The following USP34 variants were observed in gnomAD, a reference collection of about 807,000 sequenced individuals.
USP34 encodes the protein ubiquitin specific peptidase 34, also known as ubiquitin carboxyl-terminal hydrolase 34.
A neutral mutation model predicts 460.3 loss-of-function variants in USP34; 70 were observed. The ratio of observed to expected loss-of-function variants is 0.15; its 90% CI spans 0.13 to 0.19. The LOEUF is 0.19. USP34 is among the 10% of genes least tolerant of loss of function. The pLI, the probability that USP34 is intolerant of heterozygous loss-of-function variation, is 1.00. For missense variants in USP34, 3,985 were observed against 4,236.2 expected, an observed-to-expected ratio of 0.94 and a Z score of 1.65; for synonymous variants, 1,647 against 1,405.3, an observed-to-expected ratio of 1.17 and a Z score of -3.85.
intron 1 of USP34, among the ~76,000 whole-genome samples, chr2:61,451,885 T>A (rs1362881585): frequency 2.0e-5 from 3 of 151,788 alleles, no homozygotes; most frequent in Admixed American, 6.6e-5. Flanking sequence ...AGAAAAAGAC[T>A]TAATTGAAAG....
chr2:61,381,016 G>A (rs900327182), intron 6 of USP34, among the ~76,000 whole-genome samples: 12 of 151,978 alleles, frequency 7.9e-5, no homozygotes, highest in Admixed American at 5.2e-4. Context: ...TAGCATGCTC[G>A]TTAAGAGTCA....
Position 61,395,766 on chromosome 2 carries a change from ACAGAACGAGACTCCGTCT to A in USP34, c.553-551_553-534del, listed in dbSNP as rs1693501936. On this transcript the variant is annotated intron_variant, in intron 3 of 79. Coordinates refer to ENST00000398571, the MANE Select transcript of USP34 (RefSeq NM_014709.4). ...GCGCCACAGCACTCCCGCCTGGGCG[ACAGAACGAGACTCCGTCT>A]CAAAAAAAAAAAAAAAAAAAAAAAA... 1.5e-5 allele frequency among the ~76,000 whole-genome samples: 2 copies of A among 137,072 alleles called. 1 individual carries two copies. Among genetic ancestry groups the A allele is most frequent in the Non-Finnish European group, 3.1e-5 (2 of 65,444 alleles). 89.9% of individuals were successfully genotyped at this position (137,072 alleles called of 152,430 possible).
At chr2:61,302,811 T>C (rs1223851952) in intron 27 of USP34, among the ~76,000 whole-genome samples, 1 of 152,186 alleles carries the variant, frequency 6.6e-6, no homozygotes, top group Non-Finnish European at 1.5e-5. Context: ...TTGTTTTTTC[T>C]TTTTTCATAA....
rs1687829487 is a variant in USP34, at chr2:61,229,482, A to AAC, written c.7199+65_7199+66insGT. 2.8e-5 allele frequency: 22 copies of AAC among 799,568 alleles called. 1 individual carries two copies. Among genetic ancestry groups the AAC allele is most frequent in the Admixed American group, 1.7e-4 (4 of 23,022 alleles). 49.5% of individuals were successfully genotyped at this position (799,568 alleles called of 1,614,324 possible). A position where few individuals can be genotyped will look rare whatever the true frequency, so the allele number is the denominator to read the frequency against. On this transcript the variant is annotated intron_variant, in intron 59 of 79. Transcript: ENST00000398571. ...TAAAAAAAAAAAAAAAAAACAAAAA[A>AAC]AAAAAACAAAAACACCACACACACA... is the stretch of plus-strand genomic sequence containing the variant.
chr2:61,290,088 A>G (rs181331719), intron 33 of USP34, among the ~76,000 whole-genome samples: 5 of 152,264 alleles, frequency 3.3e-5, no homozygotes, highest in Admixed American at 3.3e-4. Flanking sequence ...CAATCAACAA[A>G]CACACAACAT....
intron 10 of USP34, among the ~76,000 whole-genome samples, chr2:61,368,385 T>C (rs1692503604): frequency 6.6e-6 from 1 of 151,116 alleles, no homozygotes; most frequent in African/African-American, 2.4e-5. Flanking sequence ...TGAGCCAAGA[T>C]CACGCCACTG....
intron 8 of USP34, 73 bp from the exon 9 acceptor site, chr2:61,370,652 A>G: frequency 2.2e-6 from 3 of 1,364,670 alleles, no homozygotes; most frequent in South Asian, 1.3e-5. Flanking sequence ...GGTAGAGTCA[A>G]TTGAAAACCT....
At chr2:61,286,886 A>T (rs1689704827) in intron 34 of USP34, among the ~76,000 whole-genome samples, 1 of 152,206 alleles carries the variant, frequency 6.6e-6, no homozygotes, top group Non-Finnish European at 1.5e-5. Context: ...TATTATTAAA[A>T]TCTCAAAAGG....
intron 53 of USP34, among the ~76,000 whole-genome samples, chr2:61,239,998 G>A (rs773449542): frequency 5.7e-5 from 7 of 122,550 alleles, no homozygotes; most frequent in East Asian, 4.5e-4. Flanking sequence ...GCGACAGAGC[G>A]AGACTCCTTC....
At chr2:61,373,938 T>TC (rs1692711632) in intron 8 of USP34, among the ~76,000 whole-genome samples, 1 of 151,876 alleles carries the variant, frequency 6.6e-6, no homozygotes, top group Non-Finnish European at 1.5e-5. Context: ...GTGGACTGCT[T>TC]GAGGTCAGGA....
At chr2:61,317,495 A>G (rs776927969) in intron 23 of USP34, among the ~76,000 whole-genome samples, 159 bp downstream of exon 23, 1 of 152,204 alleles carries the variant, frequency 6.6e-6, no homozygotes, top group Non-Finnish European at 1.5e-5. Flanking sequence ...CCACTGCACT[A>G]CAGCCTGAGC....
intron 5 of USP34, among the ~76,000 whole-genome samples, chr2:61,389,063 G>T (rs1470101128): frequency 6.6e-6 from 1 of 152,138 alleles, no homozygotes; most frequent in Non-Finnish European, 1.5e-5. Flanking sequence ...TCTGCATGGT[G>T]AAAACAGACA....
chr2:61,413,481 T>C (rs892271467), intron 2 of USP34, among the ~76,000 whole-genome samples: 1 of 141,770 alleles, frequency 7.1e-6, no homozygotes, highest in Non-Finnish European at 1.5e-5. Flanking sequence ...CCAAGGCGGG[T>C]GGACTGCCTG....
At position 61,380,839 on chromosome 2, in the gene USP34, G is replaced by GA. The variant is rs1194446068; in HGVS notation, c.822-479dup. Among the ~76,000 whole-genome samples the GA allele has an allele frequency of 2.0e-5, 3 of 152,186 alleles. No individual in the cohort carries two copies. The East Asian group carries it at 5.8e-4, about 29-fold the overall frequency. Reference sequence around the variant, plus strand: ...CAAGGTTAGCCTGCTGGATGAAAGAGAAGTGCCTGATGCTCCAACTGACAT... The same window carrying GA: ...CAAGGTTAGCCTGCTGGATGAAAGAGAAAGTGCCTGATGCTCCAACTGACAT... On this transcript the variant is annotated intron_variant, in intron 6 of 79. Transcript: ENST00000398571.
At chr2:61,369,692 CTA>C (rs942793614) in intron 10 of USP34, among the ~76,000 whole-genome samples, 7 of 124,352 alleles carry the variant, frequency 5.6e-5, no homozygotes, top group Admixed American at 5.5e-4. Flanking sequence ...TAATTAAACA[CTA>C]TACAGTTTTA....
chr2:61,301,993 AAAAAGGAAAGGG>A (rs1407851671), intron 27 of USP34, among the ~76,000 whole-genome samples: 1 of 152,220 alleles, frequency 6.6e-6, no homozygotes, highest in Non-Finnish European at 1.5e-5. Flanking sequence ...AAAGAAAGAA[AAAAAGGAAAGGG>A]AAAAGGAAAG....
intron 2 of USP34, among the ~76,000 whole-genome samples, chr2:61,410,307 G>A (rs1014459627): frequency 7.2e-5 from 11 of 152,192 alleles, no homozygotes; most frequent in Non-Finnish European, 1.2e-4. Context: ...TGAAAAGTGT[G>A]CAACCTAGAT....
intron 1 of USP34, among the ~76,000 whole-genome samples, chr2:61,462,068 T>C (rs1206752382): frequency 6.6e-6 from 1 of 151,384 alleles, no homozygotes; most frequent in Non-Finnish European, 1.5e-5. Flanking sequence ...TGAAACCTCA[T>C]CTCTACTAAA....
chr2:61,354,299 G>A (rs115520752), intron 10 of USP34, among the ~76,000 whole-genome samples: 1,630 of 152,236 alleles, frequency 0.011, 22 homozygotes, highest in Non-Finnish European at 0.014. Flanking sequence ...GATTATCAGC[G>A]AATTTCTCAT....
Sources: allele counts gnomAD v4.1 joint callset (sites outside exome capture counted in the v4.1 genomes callset), GRCh38; gene constraint gnomAD v4.1.1; transcripts MANE v1.5; gene names NCBI Gene and HGNC (gene_info 2026-07-23, HGNC 2026-07-21).